The following ABHD6 variants were observed in gnomAD, a reference collection of about 807,000 sequenced individuals.
ABHD6 encodes abhydrolase domain containing 6, acylglycerol lipase.
A neutral mutation model predicts 38.8 loss-of-function variants in ABHD6; 33 were observed. The observed-to-expected ratio is 0.85, with a 90% CI of 0.64 to 1.14. The LOEUF (loss-of-function observed/expected upper bound fraction) is 1.14. Among genes scored for constraint, ABHD6 ranks in the 50% most tolerant of loss-of-function variants. The pLI, the probability that ABHD6 is intolerant of heterozygous loss-of-function variation, is 0.00. For missense variants in ABHD6, 380 were observed against 422.6 expected (o/e 0.90, Z 0.88); for synonymous variants, 147 against 161.6 (o/e 0.91, Z 0.69).
At chr3:58,241,722 A>C (rs1213905352) in intron 1 of ABHD6, among the ~76,000 whole-genome samples, 3 of 152,234 alleles carry the variant, frequency 2.0e-5, no homozygotes, top group African/African-American at 4.8e-5. Context: ...GCATCTCAAT[A>C]GGCCTGAGCA....
intron 7 of ABHD6, among the ~76,000 whole-genome samples, chr3:58,283,832 G>A (rs1204238466): frequency 6.6e-6 from 1 of 152,202 alleles, no homozygotes; most frequent in East Asian, 1.9e-4. Context: ...ATAGATATGT[G>A]GGTACAGGTG....
intron 7 of ABHD6, among the ~76,000 whole-genome samples, chr3:58,277,880 G>A (rs2097449877): frequency 6.6e-6 from 1 of 152,196 alleles, no homozygotes; most frequent in Non-Finnish European, 1.5e-5. Flanking sequence ...TGTGGTGTTT[G>A]TCATTCGTTC....
chr3:58,291,423 G>A (rs1236212202), intron 9 of ABHD6, among the ~76,000 whole-genome samples: 3 of 151,844 alleles, frequency 2.0e-5, no homozygotes, highest in East Asian at 3.9e-4. Context: ...GAGAGGGAGA[G>A]CAATTTTTTA....
rs1158871147 is a variant in ABHD6 at position 58,263,184 on chromosome 3, G to A, written c.120-4005G>A. Among the ~76,000 whole-genome samples the A allele has an allele frequency of 1.3e-5, 2 of 151,960 alleles. No individual in the cohort carries two copies. The highest frequency in any genetic ancestry group is 2.9e-5 in the Non-Finnish European group (2 of 68,000). On this transcript the variant is annotated intron_variant, in intron 3 of 9. Transcript: ENST00000478253. This position sits in a 1 kb window ranked among gnomAD's most constrained non-coding sequence, Gnocchi z 4.9. ...GATCATGCCACTGCATTCCAGCCTG[G>A]GCAACAGAGCAAGACTCCATCTAAA...
intron 6 of ABHD6, among the ~76,000 whole-genome samples, chr3:58,272,868 G>A (rs986785708): frequency 1.3e-5 from 2 of 152,216 alleles, no homozygotes; most frequent in East Asian, 1.9e-4. Context: ...CAGAAAAATT[G>A]CAGAGATATT....
chr3:58,278,972 G>C lies in ABHD6; in HGVS notation c.681+4157G>C, dbSNP rs949526973. ...CGCACTGTGGTCTGAGAGACAGTTT[G>C]TTGTGATTTCTGTTCTTTTACATTT... On this transcript the variant is annotated intron_variant, in intron 7 of 9. Coordinates refer to ENST00000478253, the MANE Select transcript of ABHD6 (RefSeq NM_001320126.2). Among the ~76,000 whole-genome samples, 133 of 152,200 alleles carry C rather than the reference G, an allele frequency of 8.7e-4. 2 individuals carry two copies. The highest frequency in any genetic ancestry group is 3.3e-4 in the Admixed American group (5 of 15,276).
chr3:58,289,402 C>T (rs2097459852), intron 9 of ABHD6, among the ~76,000 whole-genome samples: 1 of 150,284 alleles, frequency 6.7e-6, no homozygotes, highest in South Asian at 2.1e-4. Context: ...TGTTTGTGTC[C>T]CTGGGTACTT....
At chr3:58,247,582 T>C (rs949272816) in intron 1 of ABHD6, among the ~76,000 whole-genome samples, 10 of 152,194 alleles carry the variant, frequency 6.6e-5, no homozygotes, top group African/African-American at 2.4e-4. Context: ...TTTTGTTTTT[T>C]GTTTGTTTGT....
chr3:58,269,247 G>A lies in ABHD6; in HGVS notation c.277-74G>A. On this transcript the variant is annotated intron_variant, in intron 4 of 9. Coordinates refer to ENST00000478253, the MANE Select transcript of ABHD6 (RefSeq NM_001320126.2). The surrounding 1 kb of genome is among the most constrained non-coding windows in gnomAD (Gnocchi z 4.4). ...TGGCTGTCTGGGTCACTGTACATGG[G>A]GCAACCTCCCAAGAAAATGGGCAGA... 8.6e-7 allele frequency: 1 copy of A among 1,166,150 alleles called. No individual in the cohort carries two copies. The highest frequency in any genetic ancestry group is 1.3e-6 in the Non-Finnish European group (1 of 791,146). 72.2% of individuals were successfully genotyped at this position (1,166,150 alleles called of 1,614,324 possible).
intron 3 of ABHD6, chr3:58,258,520 T>G (rs1489622384): frequency 3.3e-6 from 1 of 301,374 alleles, no homozygotes; most frequent in Non-Finnish European, 6.9e-6. Context: ...TGCCTTTTCA[T>G]GCCACTGTCC....
chr3:58,283,839 G>T (rs3773007), intron 7 of ABHD6, among the ~76,000 whole-genome samples: 62,665 of 152,054 alleles, frequency 0.41, 13,670 homozygotes, highest in African/African-American at 0.56. Flanking sequence ...TGTGGGTACA[G>T]GTGGATAGCT....
chr3:58,284,942 G>A, intron 7 of ABHD6, 143 bp from the exon 8 acceptor site: 1 of 698,036 alleles, frequency 1.4e-6, no homozygotes, highest in Non-Finnish European at 2.6e-6. Context: ...GCTGCATCAT[G>A]GGAATTCAGA....
intron 9 of ABHD6, among the ~76,000 whole-genome samples, chr3:58,289,751 C>T (rs185496783): frequency 5.3e-5 from 8 of 152,200 alleles, no homozygotes; most frequent in East Asian, 1.9e-4. Context: ...AGCTGTTGGG[C>T]ACACCTCCCA....
chr3:58,244,567 A>G (rs545983249), intron 1 of ABHD6, among the ~76,000 whole-genome samples: 2 of 152,216 alleles, frequency 1.3e-5, no homozygotes, highest in South Asian at 4.1e-4. Context: ...GGGTTCGAGA[A>G]CAGCCTGGGT....
At position 58,240,765 on chromosome 3, in the gene ABHD6, C is replaced by G. The variant is rs917659685; in HGVS notation, c.-91+2849C>G. 5.7e-5 allele frequency among the ~76,000 whole-genome samples: 8 copies of G among 140,456 alleles called. No individual in the cohort carries two copies. In the South Asian group the frequency reaches 8.8e-4, roughly 16 times the overall value. The allele number at this position is 140,456 out of a possible 152,430, so 92.1% of individuals were successfully genotyped here. On this transcript the variant is annotated intron_variant, in intron 1 of 9. Transcript: ENST00000478253. Reference sequence around the variant, plus strand: ...TTTTTTTTTGAGACGGAGTCTTGCTCTGTCGCCCAGGCTGGAGTGCAGTAG... The same window carrying G: ...TTTTTTTTTGAGACGGAGTCTTGCTGTGTCGCCCAGGCTGGAGTGCAGTAG...
chr3:58,267,083 TG>T lies in ABHD6; in HGVS notation c.120-105del, dbSNP rs2097441489. ...GGAGGACAAGGGCTGGAGAAGTGTT[TG>T]TGTTATCACTAAGGAAGACTTATAG... On this transcript the variant is annotated intron_variant, in intron 3 of 9. Coordinates refer to ENST00000478253, the MANE Select transcript of ABHD6 (RefSeq NM_001320126.2). The surrounding 1 kb of genome is among the most constrained non-coding windows in gnomAD (Gnocchi z 4.3). 4.1e-6 allele frequency: 5 copies of T among 1,230,532 alleles called. No homozygotes were observed. Among genetic ancestry groups the T allele is most frequent in the Non-Finnish European group, 5.7e-6 (5 of 871,626 alleles). The allele number at this position is 1,230,532 out of a possible 1,614,324, so 76.2% of individuals were successfully genotyped here.
intron 1 of ABHD6, among the ~76,000 whole-genome samples, chr3:58,243,476 A>G (rs1390091952): frequency 6.6e-6 from 1 of 152,132 alleles, no homozygotes; most frequent in East Asian, 1.9e-4. Flanking sequence ...GATAACTTCT[A>G]GCTCCACCAG....
In ABHD6 at chr3:58,274,662, G is replaced by T; in HGVS notation, c.528G>T (p.Leu176=). The T allele has an allele frequency of 6.2e-7, 1 of 1,613,972 alleles. No homozygotes were observed. Among genetic ancestry groups the T allele is most frequent in the Non-Finnish European group, 8.5e-7 (1 of 1,179,902 alleles). Residue 176 remains leucine, a synonymous_variant, in exon 7 of 10, where the codon CTG becomes CTT. Coordinates refer to ENST00000478253, the MANE Select transcript of ABHD6 (RefSeq NM_001320126.2). ...ATTTGGGTTTGAATCCCACAGGCCT[G>T]CAGTACTCAACTGACAATCAATTTG... is the stretch of plus-strand genomic sequence containing the variant. ...SSLCLVCPAG[L]QYSTDNQFVQ... is the part of the protein sequence containing the mutation.
chr3:58,271,775 T>G (rs1291283732), intron 6 of ABHD6, among the ~76,000 whole-genome samples: 1 of 135,070 alleles, frequency 7.4e-6, no homozygotes, highest in Non-Finnish European at 1.6e-5. Context: ...TGTTTTTTTT[T>G]TTTTTTTTTT....
Sources: gnomAD v4.1 joint callset for allele counts (sites outside exome capture counted in the v4.1 genomes callset) on GRCh38, gnomAD v4.1.1 for gene constraint, Gnocchi (gnomAD v3.1) non-coding constraint, MANE v1.5 for transcripts, NCBI Gene and HGNC (gene_info 2026-07-23, HGNC 2026-07-21) for gene names.